The following RNF111 variants were observed in gnomAD, a reference collection of about 807,000 sequenced individuals.
RNF111 encodes ring finger protein 111, also known as E3 ubiquitin-protein ligase Arkadia.
A neutral mutation model predicts 95.1 loss-of-function variants in RNF111; 17 were observed. That is an observed-to-expected ratio of 0.18 (90% CI 0.12 to 0.27). The LOEUF is 0.27. Ranked by LOEUF, RNF111 falls within the 10% of genes least tolerant of loss-of-function variation. RNF111 has a pLI of 1.00. For synonymous variants in RNF111, 440 were observed against 414.8 expected (o/e 1.06, Z -0.74); for missense variants, 1,189 against 1,210.4 (o/e 0.98, Z 0.26).
chr15:59,018,113 A>G (rs1373735235), intron 1 of RNF111, among the ~76,000 whole-genome samples: 23 of 152,122 alleles, frequency 1.5e-4, no homozygotes, highest in African/African-American at 5.6e-4. Context: ...CATAATTATT[A>G]CACTTTTAAT....
chr15:59,084,892 A>G (rs919701589), intron 9 of RNF111, among the ~76,000 whole-genome samples: 4 of 152,008 alleles, frequency 2.6e-5, no homozygotes, highest in Non-Finnish European at 4.4e-5. Context: ...CTTCAGGGTT[A>G]CTACCAAAGT....
In RNF111 at chr15:59,058,462, T is replaced by G. The variant is rs2042291741; in HGVS notation, c.1278T>G (p.Ala426=). The change falls in exon 5 of 14, where the codon GCT becomes GCG. Residue 426 remains alanine (A), a synonymous_variant. Coordinates refer to ENST00000348370, the MANE Select transcript of RNF111 (RefSeq NM_017610.8). Reference sequence around the variant, plus strand: ...CCTCTGAGCAGGCCTCTGATACTGCTTCAGCTGTCACCAGTAGCCAACCTT... The same window carrying G: ...CCTCTGAGCAGGCCTCTGATACTGCGTCAGCTGTCACCAGTAGCCAACCTT... The part of the protein sequence containing the change: ...PSTSEQASDT[A]SAVTSSQPST... 3 of 1,614,142 alleles carry G rather than the reference T, an allele frequency of 1.9e-6. No individual in the cohort carries two copies. The East Asian group carries it at 6.7e-5, about 36-fold the overall frequency.
At chr15:59,035,057 C>G (rs1339828912) in intron 2 of RNF111, among the ~76,000 whole-genome samples, 4 of 152,124 alleles carry the variant, frequency 2.6e-5, no homozygotes, top group African/African-American at 9.7e-5. Flanking sequence ...AGCAAAGTCA[C>G]GTCTTACATG....
intron 2 of RNF111, 96 bp downstream of exon 2, chr15:59,031,798 T>A: frequency 9.7e-7 from 1 of 1,027,654 alleles, no homozygotes; most frequent in Non-Finnish European, 1.4e-6. Flanking sequence ...TTAAAGGGAC[T>A]ATCAGGTTCT....
chr15:59,010,996 G>A (rs1455220641), intron 1 of RNF111, among the ~76,000 whole-genome samples: 2 of 152,096 alleles, frequency 1.3e-5, no homozygotes, highest in Non-Finnish European at 2.9e-5. Flanking sequence ...CTCCCTAACG[G>A]TCATCGTTCT....
intron 9 of RNF111, among the ~76,000 whole-genome samples, chr15:59,085,295 C>T (rs573863264): frequency 6.6e-6 from 1 of 152,286 alleles, no homozygotes; most frequent in South Asian, 2.1e-4. Context: ...AACAAAAACC[C>T]AGAGAGCATC....
intron 1 of RNF111, among the ~76,000 whole-genome samples, chr15:59,005,056 A>G (rs2039478667): frequency 6.6e-6 from 1 of 152,180 alleles, no homozygotes. Context: ...TGTCAAGTTC[A>G]CTTTATGGGC....
chr15:59,052,061 A>G (rs1283786100), intron 2 of RNF111, among the ~76,000 whole-genome samples: 1 of 152,200 alleles, frequency 6.6e-6, no homozygotes, highest in Admixed American at 6.5e-5. Flanking sequence ...AACATCTGTA[A>G]TGAATACAAC....
intron 3 of RNF111, among the ~76,000 whole-genome samples, chr15:59,053,749 C>T (rs1379389867): frequency 6.6e-6 from 1 of 151,970 alleles, no homozygotes; most frequent in African/African-American, 2.4e-5. Context: ...CCTATTTTTC[C>T]TTGTAGGACT....
chr15:59,019,327 G>T (rs2040221032), intron 1 of RNF111, among the ~76,000 whole-genome samples: 1 of 152,018 alleles, frequency 6.6e-6, no homozygotes, highest in African/African-American at 2.4e-5. Flanking sequence ...ATCCTTAGGT[G>T]TATATATTCA....
chr15:58,990,453 A>T (rs1435482021), intron 1 of RNF111, among the ~76,000 whole-genome samples: 1 of 152,160 alleles, frequency 6.6e-6, no homozygotes, highest in Admixed American at 6.5e-5. Flanking sequence ...TGAGGTGACC[A>T]GTCTGGCCAA....
At position 59,076,122 on chromosome 15, in the gene RNF111, G is replaced by A; in HGVS notation, c.1855G>A (p.Asp619Asn). The A allele has an allele frequency of 6.2e-7, 1 of 1,614,100 alleles. No homozygotes were observed. ...AAPSQPLSSI[D>N]GYGSSMVAQP... ...CCCAAGTCAACCTTTATCATCAATA[G>A]ATGGCTATGGATCAAGCATGGTTGC... The change falls in exon 7 of 14, where the codon GAT becomes AAT. Residue 619 changes from aspartate to asparagine, a missense_variant. Physicochemically the swap from Asp to Asn is conservative, Grantham distance 23. Transcript: ENST00000348370.
chr15:59,091,352 A>T (rs57361749), intron 12 of RNF111, among the ~76,000 whole-genome samples, 198 bp downstream of exon 12: 41,221 of 152,028 alleles, frequency 0.27, 5,657 homozygotes, highest in East Asian at 0.42. Flanking sequence ...TTCTTCCCAG[A>T]AGTGAAATCA....
chr15:59,010,968 C>A (rs777173756), intron 1 of RNF111, among the ~76,000 whole-genome samples: 1 of 152,126 alleles, frequency 6.6e-6, no homozygotes, highest in Non-Finnish European at 1.5e-5. Flanking sequence ...CTGAAGAAGT[C>A]ATCTAATTTC....
At chr15:59,012,238 C>G (rs1200662268) in intron 1 of RNF111, among the ~76,000 whole-genome samples, 2 of 151,748 alleles carry the variant, frequency 1.3e-5, no homozygotes, top group African/African-American at 4.8e-5. Flanking sequence ...AGGCTGGTCT[C>G]GAACTTCTGA....
intron 1 of RNF111, among the ~76,000 whole-genome samples, chr15:59,006,878 C>T (rs749137209): frequency 7.2e-5 from 11 of 152,178 alleles, no homozygotes; most frequent in Non-Finnish European, 1.5e-4. Context: ...CCTCCGCCTC[C>T]CGGGTTCAAG....
chr15:59,067,596 A>G (rs1241068732), intron 6 of RNF111, among the ~76,000 whole-genome samples: 12 of 152,188 alleles, frequency 7.9e-5, no homozygotes, highest in African/African-American at 2.7e-4. Flanking sequence ...AGATGGACTA[A>G]ATTATTACAA....
chr15:59,052,603 G>A (rs1446237), intron 3 of RNF111, among the ~76,000 whole-genome samples, 172 bp downstream of exon 3: 41,504 of 122,940 alleles, frequency 0.34, 6,517 homozygotes, highest in Middle Eastern at 0.52. Context: ...GTAAGAGATA[G>A]AATATTGCTA....
chr15:59,092,786 G>T, intron 13 of RNF111, 146 bp downstream of exon 13: 1 of 697,026 alleles, frequency 1.4e-6, no homozygotes, highest in Admixed American at 3.4e-5. Context: ...TTGAGGCCAG[G>T]AGTTTGAGGC....
Sources: gnomAD v4.1 joint callset for allele counts (sites outside exome capture counted in the v4.1 genomes callset) on GRCh38, gnomAD v4.1.1 for gene constraint, MANE v1.5 for transcripts, NCBI Gene and HGNC (gene_info 2026-07-23, HGNC 2026-07-21) for gene names.